Variants in ACSF2 observed in about 807,000 individuals in gnomAD.
The protein encoded by ACSF2 is medium-chain acyl-CoA ligase ACSF2, mitochondrial.
A neutral mutation model predicts 79.3 loss-of-function variants in ACSF2; 52 were observed. That is an observed-to-expected ratio of 0.66 (90% CI 0.53 to 0.83). The LOEUF is 0.83. ACSF2 is among the 40% of genes least tolerant of loss of function. ACSF2 has a pLI of 0.00. For missense variants in ACSF2, 661 were observed against 803.3 expected (o/e 0.82, Z 2.14); for synonymous variants, 283 against 312.6 (o/e 0.91, Z 1.00).
chr17:50,438,129 G>A (rs1418702776), intron 1 of ACSF2, among the ~76,000 whole-genome samples: 2 of 152,088 alleles, frequency 1.3e-5, no homozygotes, highest in African/African-American at 2.4e-5. Flanking sequence ...CAAAATCCTT[G>A]GATGCTCAAG....
In ACSF2 at chr17:50,443,049, A is replaced by G. The variant is rs192353388; in HGVS notation, c.128+16660A>G. ...CTCAGCCTCCCGAATAGCTGGGACT[A>G]TGGGTGCACGCCACCATGCCCGGCT... On this transcript the variant is annotated intron_variant, in intron 1 of 15. Coordinates refer to ENST00000300441, the MANE Select transcript of ACSF2 (RefSeq NM_025149.6). Among the ~76,000 whole-genome samples the G allele has an allele frequency of 1.7e-4, 26 of 152,024 alleles. No individual in the cohort carries two copies. The East Asian group carries it at 3.1e-3, about 18-fold the overall frequency.
intron 10 of ACSF2, chr17:50,465,706 C>A (rs1377649322): frequency 1.2e-6 from 2 of 1,613,156 alleles, no homozygotes; most frequent in African/African-American, 1.3e-5. Flanking sequence ...AGTGTTCTTA[C>A]CGCCGAAGGC....
At chr17:50,455,477 T>C (rs536386264) in intron 1 of ACSF2, among the ~76,000 whole-genome samples, 2 of 152,230 alleles carry the variant, frequency 1.3e-5, no homozygotes, top group Admixed American at 1.3e-4. Context: ...ATTAACATCA[T>C]CACCCTAGGC....
At chr17:50,432,178 A>T (rs1256492174) in intron 1 of ACSF2, among the ~76,000 whole-genome samples, 1 of 152,226 alleles carries the variant, frequency 6.6e-6, no homozygotes, top group Non-Finnish European at 1.5e-5. Flanking sequence ...TGCTGGGATT[A>T]CAGGTGTGAG....
rs775329142 is a variant in ACSF2, at chr17:50,468,070, G to C, written c.1216-2958G>C. ...CCAGGTTGGTGTTGTCCAGCCAGAG[G>C]GTCTCCAGGTATCTGCCAAAGGACT... On this transcript the variant is annotated intron_variant, in intron 10 of 15. Coordinates refer to ENST00000300441, the MANE Select transcript of ACSF2 (RefSeq NM_025149.6). 4.4e-6 allele frequency: 7 copies of C among 1,606,190 alleles called. No individual in the cohort carries two copies. The African/African-American group carries it at 8.0e-5, about 18-fold the overall frequency.
At chr17:50,426,420 G>C in intron 1 of ACSF2, 31 bp downstream of exon 1, 1 of 1,294,918 alleles carries the variant, frequency 7.7e-7, no homozygotes, top group African/African-American at 1.5e-5. Context: ...GAGAGGGGGC[G>C]GGGCAGTTCC....
chr17:50,426,447 G>A, intron 1 of ACSF2, 58 bp downstream of exon 1: 2 of 1,274,340 alleles, frequency 1.6e-6, no homozygotes, highest in Non-Finnish European at 2.0e-6. Context: ...GAGGAACTTG[G>A]AGGTCCCGGC....
chr17:50,465,359 G>A (rs771331186), intron 10 of ACSF2: 29 of 1,613,974 alleles, frequency 1.8e-5, no homozygotes, highest in South Asian at 9.9e-5. Flanking sequence ...GAAGGCGTCC[G>A]TGTCACGGAT....
At chr17:50,456,459 G>A (rs975033697) in intron 1 of ACSF2, among the ~76,000 whole-genome samples, 3 of 152,138 alleles carry the variant, frequency 2.0e-5, no homozygotes, top group Non-Finnish European at 2.9e-5. Flanking sequence ...GTGGCCGGGC[G>A]CGGTGGCTCA....
intron 1 of ACSF2, among the ~76,000 whole-genome samples, chr17:50,446,238 T>C (rs921312871): frequency 1.3e-5 from 2 of 152,232 alleles, no homozygotes; most frequent in East Asian, 1.9e-4. Context: ...TGGCAGTAGC[T>C]TAAGCCCTAG....
rs1174295294 is a variant in ACSF2 at position 50,462,180 on chromosome 17, A to G, written c.508-4A>G. On this transcript the variant is annotated splice_region_variant and splice_polypyrimidine_tract_variant and intron_variant, in intron 4 of 15. Coordinates refer to ENST00000300441, the MANE Select transcript of ACSF2 (RefSeq NM_025149.6). ...ACTGGAGGTGGGGGACTCCCCTTCCACAGGTGGGCTGCAAGGCCCTTGTGT... is the reference window on the plus strand; with the variant it reads ...ACTGGAGGTGGGGGACTCCCCTTCCGCAGGTGGGCTGCAAGGCCCTTGTGT... The G allele has an allele frequency of 1.9e-6, 3 of 1,613,638 alleles. No homozygotes were observed. Among genetic ancestry groups the G allele is most frequent in the Admixed American group, 1.7e-5 (1 of 59,996 alleles).
chr17:50,467,665 G>T (rs1359737679), intron 10 of ACSF2, among the ~76,000 whole-genome samples: 5 of 152,180 alleles, frequency 3.3e-5, no homozygotes, highest in Admixed American at 3.3e-4. Flanking sequence ...TTTATGGGGT[G>T]GTAGGTTTAC....
In ACSF2 at chr17:50,434,319, AAAT is replaced by A. The variant is rs751339339; in HGVS notation, c.128+7948_128+7950del. ...CAGTGACAGGGTGAGAGCATGTCTCAAATAATAATAATAATAATAACAAAACAA... is the reference window on the plus strand; with the variant it reads ...CAGTGACAGGGTGAGAGCATGTCTCAAATAATAATAATAATAACAAAACAA... On this transcript the variant is annotated intron_variant, in intron 1 of 15. Transcript: ENST00000300441. Among the ~76,000 whole-genome samples the A allele has an allele frequency of 8.4e-4, 127 of 151,786 alleles. 2 individuals carry two copies. The East Asian group carries it at 0.021, about 26-fold the overall frequency.
chr17:50,433,839 G>A (rs2030162093), intron 1 of ACSF2, among the ~76,000 whole-genome samples: 1 of 151,790 alleles, frequency 6.6e-6, no homozygotes, highest in Non-Finnish European at 1.5e-5. Context: ...TGCCCCAGGT[G>A]GTCTCAAACT....
intron 1 of ACSF2, among the ~76,000 whole-genome samples, chr17:50,447,213 A>T: frequency 6.6e-6 from 1 of 152,062 alleles, no homozygotes; most frequent in East Asian, 1.9e-4. Flanking sequence ...CCTATTCTGG[A>T]CATATATATG....
chr17:50,428,860 G>A (rs369029305), intron 1 of ACSF2, among the ~76,000 whole-genome samples: 4 of 152,374 alleles, frequency 2.6e-5, no homozygotes, highest in Non-Finnish European at 2.9e-5. Flanking sequence ...CAGATTCTGC[G>A]TCATGCTAGC....
intron 10 of ACSF2, chr17:50,466,006 A>G (rs1598428133): frequency 3.7e-6 from 3 of 812,656 alleles, no homozygotes; most frequent in East Asian, 5.1e-5. Flanking sequence ...TTTTCAAAGC[A>G]GTATGACCAA....
chr17:50,461,951 T>TGTGTGTGTGTGTGCGC (rs112810352), intron 4 of ACSF2, among the ~76,000 whole-genome samples: 95 of 150,478 alleles, frequency 6.3e-4, no homozygotes, highest in African/African-American at 2.2e-3. Context: ...TGTGTGTGTG[T>TGTGTGTGTGTGTGCGC]GCGTGTGTCC....
At chr17:50,462,641 G>T in intron 6 of ACSF2, 56 bp downstream of exon 6, 1 of 1,578,960 alleles carries the variant, frequency 6.3e-7, no homozygotes, top group Non-Finnish European at 8.7e-7. Flanking sequence ...CCCTGTCCCT[G>T]TGACACTTCC....
Sources: gnomAD v4.1 joint callset for allele counts (sites outside exome capture counted in the v4.1 genomes callset) on GRCh38, gnomAD v4.1.1 for gene constraint, MANE v1.5 for transcripts, NCBI Gene and HGNC (gene_info 2026-07-23, HGNC 2026-07-21) for gene names.